Variants in FKBP15 observed in about 807,000 individuals in gnomAD.
FKBP15 encodes the protein FKBP prolyl isomerase family member 15, also known as FK506-binding protein 15.
Under a neutral mutation model 158.1 loss-of-function variants are expected in FKBP15, and 106 were observed. The observed-to-expected ratio is 0.67, with a 90% CI of 0.57 to 0.79. The LOEUF is 0.79. FKBP15 is among the 30% of genes least tolerant of loss of function. The pLI, the probability that FKBP15 is intolerant of heterozygous loss-of-function variation, is 0.00. For missense variants in FKBP15, 1,287 were observed against 1,479.1 expected (o/e 0.87, Z 2.13); for synonymous variants, 547 against 548.6 (o/e 1.00, Z 0.04).
intron 19 of FKBP15, among the ~76,000 whole-genome samples, chr9:113,179,399 C>T (rs1157027195): frequency 1.3e-5 from 2 of 152,156 alleles, no homozygotes; most frequent in East Asian, 1.9e-4. Flanking sequence ...CGCAGTGGCT[C>T]GCGCCTGTAA....
intron 9 of FKBP15, among the ~76,000 whole-genome samples, chr9:113,194,855 ATATC>A (rs1442390127): frequency 1.8e-4 from 28 of 152,242 alleles, no homozygotes; most frequent in African/African-American, 6.8e-4. Flanking sequence ...AAAGTCATAA[ATATC>A]TATGCTATTA....
chr9:113,182,706 G>T, intron 19 of FKBP15, 60 bp downstream of exon 19: 1 of 1,362,996 alleles, frequency 7.3e-7, no homozygotes, highest in Non-Finnish European at 1.0e-6. Context: ...GTATGTACAT[G>T]GGACCATTCC....
chr9:113,187,824 G>A lies in FKBP15; in HGVS notation c.1352C>T (p.Ser451Leu), dbSNP rs1387104546. Reference sequence around the variant, plus strand: ...GGATTGGGCATTTCCAGATACAGCTGAGTGGGAATCGAGAGATGACACTTG... The same window carrying A: ...GGATTGGGCATTTCCAGATACAGCTAAGTGGGAATCGAGAGATGACACTTG... ...LMQVSSLDSH[S>L]AVSGNAQSFQ... is the part of the protein sequence containing the mutation. Residue 451 changes from serine to leucine, a missense_variant, in exon 14 of 28, where the codon TCA (serine) becomes TTA (leucine). Ser to Leu is a moderately radical substitution (Grantham distance 145). Transcript: ENST00000238256. The A allele has an allele frequency of 3.1e-6, 5 of 1,613,938 alleles. No individual in the cohort carries two copies. Among genetic ancestry groups the A allele is most frequent in the Non-Finnish European group, 8.5e-7 (1 of 1,179,824 alleles).
intron 20 of FKBP15, among the ~76,000 whole-genome samples, chr9:113,178,139 T>C (rs1210009643): frequency 2.0e-5 from 3 of 152,104 alleles, no homozygotes; most frequent in Admixed American, 6.5e-5. Flanking sequence ...AACTACAGGA[T>C]GAGCTGAAGA....
Position 113,184,764 on chromosome 9 carries a change from C to A in FKBP15, c.1539G>T (p.Arg513=). The A allele has an allele frequency of 6.2e-7, 1 of 1,606,828 alleles. No individual in the cohort carries two copies. Among genetic ancestry groups the A allele is most frequent in the East Asian group, 2.2e-5 (1 of 44,728 alleles). ...DMASFLMTEA[R]QHNTEIRMAV... ...CCATTCGAATTTCAGTGTTATGTTG[C>A]CGGGCTTCAGTCATGAGAAATGAAG... Residue 513 remains arginine (R), a synonymous_variant, in exon 16 of 28, where the codon CGG becomes CGT. Transcript: ENST00000238256. This position sits in a 1 kb window ranked among gnomAD's most constrained non-coding sequence, Gnocchi z 4.5.
chr9:113,181,889 C>G lies in FKBP15; in HGVS notation c.1914+877G>C, dbSNP rs543303596. ...AATGTTACAGGCTGCTGATCTTGAC[C>G]TAGGCATTAGGAGTCAGTCACATAA... is the stretch of plus-strand genomic sequence containing the variant. On this transcript the variant is annotated intron_variant, in intron 19 of 27. Coordinates refer to ENST00000238256, the MANE Select transcript of FKBP15 (RefSeq NM_015258.2). 2.2e-4 allele frequency among the ~76,000 whole-genome samples: 33 copies of G among 152,236 alleles called. No individual in the cohort carries two copies. In the South Asian group the frequency reaches 6.8e-3, roughly 32 times the overall value.
At chr9:113,210,034 T>C (rs548104592) in intron 2 of FKBP15, among the ~76,000 whole-genome samples, 12 of 152,340 alleles carry the variant, frequency 7.9e-5, no homozygotes, top group African/African-American at 2.9e-4. Context: ...AAAGTAGGTC[T>C]TCCTTCTCAC....
At chr9:113,208,934 G>A (rs1830948503) in intron 2 of FKBP15, among the ~76,000 whole-genome samples, 1 of 149,050 alleles carries the variant, frequency 6.7e-6, no homozygotes, top group Non-Finnish European at 1.5e-5. Context: ...TGAAACACAG[G>A]AGGCAGAGAT....
At chr9:113,201,021 C>T (rs528653516) in intron 6 of FKBP15, among the ~76,000 whole-genome samples, 147 of 135,490 alleles carry the variant, frequency 1.1e-3, no homozygotes, top group African/African-American at 3.8e-3. Flanking sequence ...TCCAGCCTGG[C>T]GACAGAGCAG....
At position 113,197,041 on chromosome 9, in the gene FKBP15, C is replaced by T; in HGVS notation, c.755G>A (p.Gly252Glu). The change falls in exon 9 of 28, where the codon GGA (glycine) becomes GAA (glutamate). Residue 252 changes from glycine to glutamate, a missense_variant. Coordinates refer to ENST00000238256, the MANE Select transcript of FKBP15 (RefSeq NM_015258.2). The stretch of plus-strand genomic sequence containing the variant: ...TGGAGGGACAATAAGCAATCGCTTT[C>T]CTCCTTTTTTCATGCCCAGCATTCC... ...EDGMLGMKKG[G>E]KRLLIVPPAC... is the part of the protein sequence containing the mutation. 1 of 1,613,894 alleles carries T rather than the reference C, an allele frequency of 6.2e-7. No individual in the cohort carries two copies.
intron 7 of FKBP15, among the ~76,000 whole-genome samples, chr9:113,199,135 T>G (rs1465406590): frequency 6.6e-6 from 1 of 152,132 alleles, no homozygotes; most frequent in South Asian, 2.1e-4. Context: ...ATTTTCCAGG[T>G]TTAGAAAAAA....
chr9:113,202,738 A>T, intron 5 of FKBP15, 109 bp from the exon 6 acceptor site: 2 of 848,794 alleles, frequency 2.4e-6, no homozygotes, highest in Non-Finnish European at 3.8e-6. Flanking sequence ...CCCAAAGGGA[A>T]CTATCAGAGA....
In FKBP15 at chr9:113,203,002, G is replaced by C; in HGVS notation, c.358C>G (p.Pro120Ala). The change falls in exon 5 of 28, where the codon CCA becomes GCA. Residue 120 changes from proline (P) to alanine (A), a missense_variant. Physicochemically the swap from Pro to Ala is conservative, Grantham distance 27. Coordinates refer to ENST00000238256, the MANE Select transcript of FKBP15 (RefSeq NM_015258.2). Reference protein sequence around the residue: ...RILLYISQQQPVTVARIHVNF... With the variant: ...RILLYISQQQAVTVARIHVNF... ...ACATGAATCCTAGCAACCGTAACTGGCTGTTGTTGACTGATATAAAGAAGA... is the reference window on the plus strand; with the variant it reads ...ACATGAATCCTAGCAACCGTAACTGCCTGTTGTTGACTGATATAAAGAAGA... The C allele has an allele frequency of 6.2e-7, 1 of 1,612,834 alleles. No homozygotes were observed.
Position 113,211,576 on chromosome 9 carries a change from G to C in FKBP15, c.70C>G (p.Leu24Val), listed in dbSNP as rs780953565. 1 of 1,602,080 alleles carries C rather than the reference G, an allele frequency of 6.2e-7. No homozygotes were observed. The highest frequency in any genetic ancestry group is 8.5e-7 in the Non-Finnish European group (1 of 1,173,812). Residue 24 changes from leucine (L) to valine (V), a missense_variant, in exon 2 of 28, where the codon CTT becomes GTT. Leu to Val is a conservative substitution (Grantham distance 32). Transcript: ENST00000238256. ...GCAGCTGCCTGATCCAGTCCAAAAA[G>C]TGAGGCCAATCTGGCACTGTTAGTA... Reference protein sequence around the residue: ...SPSGGARLASLFGLDQAAAGH... With the variant: ...SPSGGARLASVFGLDQAAAGH...
chr9:113,197,624 G>T (rs1372230264), intron 8 of FKBP15, among the ~76,000 whole-genome samples: 1 of 152,092 alleles, frequency 6.6e-6, no homozygotes, highest in East Asian at 1.9e-4. Flanking sequence ...AACTGAGATC[G>T]TGCCACTGCA....
intron 3 of FKBP15, 41 bp downstream of exon 3, chr9:113,207,171 T>C: frequency 6.5e-7 from 1 of 1,532,350 alleles, no homozygotes; most frequent in Non-Finnish European, 9.0e-7. Flanking sequence ...CTGCACGCCC[T>C]TCCACCAAAC....
At chr9:113,180,374 G>T (rs1452716930) in intron 19 of FKBP15, among the ~76,000 whole-genome samples, 2 of 151,622 alleles carry the variant, frequency 1.3e-5, no homozygotes, top group Non-Finnish European at 2.9e-5. Context: ...AGACTGAACA[G>T]ATGCAACTTT....
At position 113,176,638 on chromosome 9, in the gene FKBP15, AT is replaced by A; in HGVS notation, c.2121del (p.Lys707AsnfsTer16). On this transcript the variant is annotated frameshift_variant, in exon 21 of 28. Coordinates refer to ENST00000238256, the MANE Select transcript of FKBP15 (RefSeq NM_015258.2). LOFTEE classifies it high-confidence loss of function. ...TTCCGGTTCTGCTTTTCACTTTTGAATTTGGACTGTGCTTGCTCAGAGGTTT... is the reference window on the plus strand; with the variant it reads ...TTCCGGTTCTGCTTTTCACTTTTGAATTGGACTGTGCTTGCTCAGAGGTTT... ...LQETSEQAQSKFKSEKQNRKQ... is the reference protein window; with the variant it reads ...LQETSEQAQSXFKSEKQNRKQ... The A allele has an allele frequency of 1.2e-6, 2 of 1,607,366 alleles. No individual in the cohort carries two copies. The highest frequency in any genetic ancestry group is 1.7e-6 in the Non-Finnish European group (2 of 1,176,232).
At chr9:113,174,325 A>G in intron 22 of FKBP15, 103 bp downstream of exon 22, 1 of 1,257,900 alleles carries the variant, frequency 7.9e-7, no homozygotes, top group Non-Finnish European at 1.1e-6. Flanking sequence ...AGTATCAGCT[A>G]TGAGAAATGT....
Sources: gnomAD v4.1 joint callset for allele counts (sites outside exome capture counted in the v4.1 genomes callset) on GRCh38, gnomAD v4.1.1 for gene constraint, Gnocchi (gnomAD v3.1) non-coding constraint, MANE v1.5 for transcripts, NCBI Gene and HGNC (gene_info 2026-07-23, HGNC 2026-07-21) for gene names.